SDK2: variants seen among roughly 807,000 people sequenced by gnomAD.
SDK2 encodes the protein protein sidekick-2.
Under a neutral mutation model 253.9 loss-of-function variants are expected in SDK2, and 105 were observed. That is an observed-to-expected ratio of 0.41 (90% CI 0.35 to 0.49). The LOEUF is 0.49. Ranked by LOEUF, SDK2 falls within the 20% of genes least tolerant of loss-of-function variation. The pLI is 0.06. For synonymous variants in SDK2, 1,249 were observed against 1,234.9 expected (o/e 1.01, Z -0.24); for missense variants, 2,608 against 3,003.0 (o/e 0.87, Z 3.07).
intron 2 of SDK2, among the ~76,000 whole-genome samples, chr17:73,494,684 G>C (rs1420417253): frequency 6.6e-6 from 1 of 152,306 alleles, no homozygotes; most frequent in East Asian, 1.9e-4. Flanking sequence ...CACCAGCACT[G>C]ACCCTTGGGG....
Position 73,447,660 on chromosome 17 carries a change from T to C in SDK2, c.568A>G (p.Asn190Asp), listed in dbSNP as rs1287241056. The change falls in exon 5 of 45, where the codon AAC (asparagine) becomes GAC (aspartate). Residue 190 changes from asparagine to aspartate, a missense_variant. Asn to Asp is a conservative substitution (Grantham distance 23). Transcript: ENST00000392650. The surrounding 1 kb of genome is among the most constrained non-coding windows in gnomAD (Gnocchi z 4.0). ...GGCTGGCTGGTCTTGTTATCCCCGT[T>C]TTTGTCGTTAACAGCCTGCACATAG... Reference protein sequence around the residue: ...RYYVQAVNDKNGDNKTSQPIT... With the variant: ...RYYVQAVNDKDGDNKTSQPIT... 1.9e-6 allele frequency: 3 copies of C among 1,551,736 alleles called. No individual in the cohort carries two copies. The Admixed American group carries it at 5.9e-5, about 30-fold the overall frequency.
chr17:73,444,811 C>T lies in SDK2; in HGVS notation c.613+2804G>A, dbSNP rs1008252447. 2.6e-5 allele frequency among the ~76,000 whole-genome samples: 4 copies of T among 152,200 alleles called. No individual in the cohort carries two copies. In the South Asian group the frequency reaches 6.2e-4, roughly 24 times the overall value. On this transcript the variant is annotated intron_variant, in intron 5 of 44. Coordinates refer to ENST00000392650, the MANE Select transcript of SDK2 (RefSeq NM_001144952.2). ...TGGGGCAGGGGTGTGAGCTGCTCCC[C>T]TCTCTTGGGCAGGCTTCTGGGATGC... is the stretch of plus-strand genomic sequence containing the variant.
chr17:73,517,780 G>T (rs371936461), intron 1 of SDK2: 5 of 152,352 alleles, frequency 3.3e-5, no homozygotes, highest in African/African-American at 1.2e-4. Context: ...GCCCTGCCTC[G>T]CTGGATGTAG....
intron 4 of SDK2, among the ~76,000 whole-genome samples, chr17:73,450,639 T>C (rs768190884): frequency 2.6e-5 from 4 of 152,216 alleles, no homozygotes; most frequent in Non-Finnish European, 4.4e-5. Flanking sequence ...ATCTCTTTCT[T>C]GATCAGGAAG....
intron 1 of SDK2, among the ~76,000 whole-genome samples, chr17:73,563,096 G>A (rs2045262502): frequency 6.6e-6 from 1 of 152,244 alleles, no homozygotes; most frequent in Non-Finnish European, 1.5e-5. Context: ...CATTGCTGGC[G>A]AGGAGGCTTG....
intron 2 of SDK2, among the ~76,000 whole-genome samples, chr17:73,501,880 A>G (rs1047036042): frequency 6.6e-6 from 1 of 152,238 alleles, no homozygotes; most frequent in African/African-American, 2.4e-5. Flanking sequence ...CCTGATTCCA[A>G]GAAGTGAAAA....
intron 2 of SDK2, among the ~76,000 whole-genome samples, chr17:73,490,260 G>A (rs772588359): frequency 1.6e-4 from 24 of 152,196 alleles, no homozygotes; most frequent in East Asian, 3.9e-4. Context: ...TCAAGAAGCC[G>A]GGGCAGGCCC....
rs962391868 is a variant in SDK2, at chr17:73,379,351, C to T, written c.4865-59G>A. On this transcript the variant is annotated intron_variant, in intron 35 of 44. Coordinates refer to ENST00000392650, the MANE Select transcript of SDK2 (RefSeq NM_001144952.2). This position sits in a 1 kb window ranked among gnomAD's most constrained non-coding sequence, Gnocchi z 4.5. ...GAGTAAACCTGGGAGGGGAGGTGGG[C>T]TGGGCGGGATGGGGAGCCCAGATCC... 5 of 631,196 alleles carry T rather than the reference C, an allele frequency of 7.9e-6. No homozygotes were observed. The highest frequency in any genetic ancestry group is 5.7e-5 in the African/African-American group (3 of 52,856). The allele number at this position is 631,196 out of a possible 1,614,324, so 39.1% of individuals were successfully genotyped here.
intron 1 of SDK2, among the ~76,000 whole-genome samples, chr17:73,557,857 T>C (rs1267349827): frequency 1.3e-5 from 2 of 152,142 alleles, no homozygotes; most frequent in African/African-American, 2.4e-5. Flanking sequence ...CTCAGTAAGG[T>C]CTGCCTGCAG....
chr17:73,380,793 C>T, intron 34 of SDK2, 101 bp downstream of exon 34: 1 of 1,057,064 alleles, frequency 9.5e-7, no homozygotes, highest in Middle Eastern at 2.0e-4. Context: ...CTGGGGTGGG[C>T]ACACCCCCTC....
chr17:73,424,572 G>A (rs372942193), intron 12 of SDK2, among the ~76,000 whole-genome samples: 5 of 152,240 alleles, frequency 3.3e-5, no homozygotes, highest in East Asian at 1.9e-4. Flanking sequence ...CTTTAGCTTC[G>A]GTCAGTCAAT....
At chr17:73,441,041 T>TG in intron 5 of SDK2, 118 bp from the exon 6 acceptor site, 2 of 729,098 alleles carry the variant, frequency 2.7e-6, no homozygotes, top group Non-Finnish European at 4.5e-6. Flanking sequence ...CAGGTGGCCA[T>TG]GGGGGCAGCC....
At chr17:73,594,117 A>G (rs1466959793) in intron 1 of SDK2, among the ~76,000 whole-genome samples, 1 of 152,194 alleles carries the variant, frequency 6.6e-6, no homozygotes, top group Non-Finnish European at 1.5e-5. Context: ...AAACCTGGTC[A>G]TGTCAGGCCT....
chr17:73,631,540 G>C (rs2046270635), intron 1 of SDK2, among the ~76,000 whole-genome samples: 2 of 152,210 alleles, frequency 1.3e-5, no homozygotes, highest in African/African-American at 4.8e-5. Flanking sequence ...CTGCCGGCCA[G>C]GAACCCCAGG....
intron 18 of SDK2, among the ~76,000 whole-genome samples, chr17:73,405,635 C>T (rs11652248): frequency 0.023 from 3,472 of 150,384 alleles, 89 homozygotes; most frequent in South Asian, 0.12. Context: ...CAGGACCGCC[C>T]GCAGATACCA....
chr17:73,338,750 G>T lies in SDK2; in HGVS notation c.6356C>A (p.Thr2119Asn), dbSNP rs1321344784. 4 of 1,613,872 alleles carry T rather than the reference G, an allele frequency of 2.5e-6. No homozygotes were observed. Among genetic ancestry groups the T allele is most frequent in the Non-Finnish European group, 2.5e-6 (3 of 1,179,864 alleles). ...EPDHTTVTNSTSTQQGSLFRP... is the reference protein window; with the variant it reads ...EPDHTTVTNSNSTQQGSLFRP... ...AAAGAGGCTGCCCTGCTGGGTGCTG[G>T]TGCTGTTGGTGACGGTGGTGTGGTC... The change falls in exon 45 of 45, where the codon ACC (threonine) becomes AAC (asparagine). Residue 2119 changes from threonine (T) to asparagine (N), a missense_variant. By Grantham distance (65) the Thr-to-Asn change is moderately conservative. Transcript: ENST00000392650. This position sits in a 1 kb window ranked among gnomAD's most constrained non-coding sequence, Gnocchi z 5.0.
At chr17:73,345,943 A>C (rs1285902879) in intron 44 of SDK2, among the ~76,000 whole-genome samples, 2 of 152,158 alleles carry the variant, frequency 1.3e-5, no homozygotes, top group Non-Finnish European at 2.9e-5. Context: ...GCTGTGGCTC[A>C]CACCTGTGAT....
chr17:73,336,701 A>G lies in SDK2; in HGVS notation c.*1886T>C, dbSNP rs2062381570. 1 of 152,930 alleles carries G rather than the reference A, an allele frequency of 6.5e-6. No individual in the cohort carries two copies. The highest frequency in any genetic ancestry group is 1.5e-5 in the Non-Finnish European group (1 of 68,318). The allele number at this position is 152,930 out of a possible 1,614,324, so 9.5% of individuals were successfully genotyped here. On this transcript the variant is annotated 3_prime_UTR_variant, in exon 45 of 45. Coordinates refer to ENST00000392650, the MANE Select transcript of SDK2 (RefSeq NM_001144952.2). The stretch of plus-strand genomic sequence containing the variant: ...CCTTGGCATGTTTCCCAAATCTCCT[A>G]CTTGGGCTTCCTTGAACTCTGCTCA...
At chr17:73,621,649 T>C (rs924833953) in intron 1 of SDK2, among the ~76,000 whole-genome samples, 6 of 151,714 alleles carry the variant, frequency 4.0e-5, no homozygotes, top group African/African-American at 1.5e-4. Flanking sequence ...ATTTTAGAAC[T>C]GAAAAATAAA....
Sources: allele counts gnomAD v4.1 joint callset (sites outside exome capture counted in the v4.1 genomes callset), GRCh38; gene constraint gnomAD v4.1.1; non-coding constraint Gnocchi (gnomAD v3.1); transcripts MANE v1.5; gene names NCBI Gene and HGNC (gene_info 2026-07-23, HGNC 2026-07-21).